Variants in ANKRD6 observed in about 807,000 individuals in gnomAD.
ANKRD6 encodes ankyrin repeat domain 6.
ANKRD6 carries 56 observed loss-of-function variants against 82.3 expected under a neutral mutation model. That is an observed-to-expected ratio of 0.68 (90% CI 0.55 to 0.85). ANKRD6 has a LOEUF of 0.85. ANKRD6 is among the 40% of genes least tolerant of loss of function. The pLI, the probability that ANKRD6 is intolerant of heterozygous loss-of-function variation, is 0.00. For synonymous variants in ANKRD6, 347 were observed against 352.1 expected, an observed-to-expected ratio of 0.99 and a Z score of 0.16; for missense variants, 852 against 907.6, an observed-to-expected ratio of 0.94 and a Z score of 0.79.
At chr6:89,567,152 C>A (rs1363916657) in intron 2 of ANKRD6, 56 bp downstream of exon 2, 1 of 1,541,080 alleles carries the variant, frequency 6.5e-7, no homozygotes, top group South Asian at 1.2e-5. Flanking sequence ...TACCTCTTAA[C>A]CATTGTCTGA....
intron 2 of ANKRD6, among the ~76,000 whole-genome samples, chr6:89,580,760 T>A (rs1457756408): frequency 6.6e-6 from 1 of 152,210 alleles, no homozygotes; most frequent in Non-Finnish European, 1.5e-5. Flanking sequence ...GGTTTGTGTT[T>A]AATGTTAGGA....
chr6:89,606,135 A>G, intron 5 of ANKRD6, 30 bp downstream of exon 5: 1 of 1,508,216 alleles, frequency 6.6e-7, no homozygotes, highest in South Asian at 1.2e-5. Context: ...AGAATGCCTC[A>G]TTCACAGGTG....
chr6:89,605,550 T>C (rs1186555164), intron 4 of ANKRD6, among the ~76,000 whole-genome samples: 3 of 152,216 alleles, frequency 2.0e-5, no homozygotes, highest in South Asian at 2.1e-4. Flanking sequence ...CTGAATCTTA[T>C]GAAGATGGCC....
chr6:89,607,805 G>T (rs573675544), intron 5 of ANKRD6, among the ~76,000 whole-genome samples: 2 of 151,762 alleles, frequency 1.3e-5, no homozygotes, highest in East Asian at 3.9e-4. Context: ...GTGCCCCCAC[G>T]CCCGGCTAAT....
chr6:89,456,829 T>C (rs1773563941), intron 1 of ANKRD6, among the ~76,000 whole-genome samples: 1 of 152,198 alleles, frequency 6.6e-6, no homozygotes, highest in Non-Finnish European at 1.5e-5. Flanking sequence ...AAAATTATGC[T>C]CCAGTTACTA....
Position 89,624,032 on chromosome 6 carries a change from G to C in ANKRD6, c.1193G>C (p.Arg398Pro). Residue 398 changes from arginine to proline, a missense_variant, in exon 12 of 16, where the codon CGG becomes CCG. By Grantham distance (103) the Arg-to-Pro change is moderately radical. Transcript: ENST00000339746. ...FRAYQLYTLY[R>P]GKDGKVMQAP... ...GCGTATCAGCTCTACACATTGTACC[G>C]GGGCAAGGATGGGAAAGTGATGCAG... is the stretch of plus-strand genomic sequence containing the variant. 2 of 1,573,230 alleles carry C rather than the reference G, an allele frequency of 1.3e-6. No individual in the cohort carries two copies. The highest frequency in any genetic ancestry group is 1.7e-6 in the Non-Finnish European group (2 of 1,157,956).
intron 1 of ANKRD6, among the ~76,000 whole-genome samples, chr6:89,439,086 A>G (rs922737790): frequency 7.2e-5 from 11 of 152,360 alleles, no homozygotes; most frequent in Non-Finnish European, 1.3e-4. Context: ...CAAATGTATC[A>G]TAATTGCCAT....
intron 14 of ANKRD6, 107 bp downstream of exon 14, chr6:89,627,803 CT>C: frequency 2.4e-6 from 2 of 836,098 alleles, no homozygotes; most frequent in Non-Finnish European, 3.8e-6. Context: ...TCCCTAAGAG[CT>C]TTTACATTAT....
At chr6:89,570,843 G>A (rs992694072) in intron 2 of ANKRD6, among the ~76,000 whole-genome samples, 11 of 152,158 alleles carry the variant, frequency 7.2e-5, no homozygotes, top group African/African-American at 2.7e-4. Flanking sequence ...GAATATTGCT[G>A]TATGAACATG....
At chr6:89,492,660 A>G (rs1778147306) in intron 1 of ANKRD6, among the ~76,000 whole-genome samples, 2 of 152,234 alleles carry the variant, frequency 1.3e-5, no homozygotes, top group South Asian at 4.1e-4. Context: ...CAATTAATGT[A>G]TACTCATTCC....
chr6:89,622,856 A>G (rs1228110641), intron 10 of ANKRD6, among the ~76,000 whole-genome samples: 2 of 151,992 alleles, frequency 1.3e-5, no homozygotes, highest in African/African-American at 2.4e-5. Context: ...CCTCTCATCA[A>G]TTTCCAGGGT....
At chr6:89,629,768 G>T (rs1488380842) in intron 15 of ANKRD6, among the ~76,000 whole-genome samples, 2 of 152,212 alleles carry the variant, frequency 1.3e-5, no homozygotes, top group Non-Finnish European at 2.9e-5. Flanking sequence ...TGACAATTTT[G>T]AGGACATTCA....
intron 1 of ANKRD6, among the ~76,000 whole-genome samples, chr6:89,500,428 G>A (rs1388270548): frequency 6.6e-6 from 1 of 152,142 alleles, no homozygotes; most frequent in Admixed American, 6.5e-5. Context: ...AATATACCAT[G>A]GTTAGAAAAA....
rs530068070 is a variant in ANKRD6 at position 89,447,854 on chromosome 6, A to ATTTT, written c.-144+14487_-144+14490dup. 4.2e-5 allele frequency among the ~76,000 whole-genome samples: 5 copies of ATTTT among 119,012 alleles called. 1 individual carries two copies. In the East Asian group the frequency reaches 7.5e-4, roughly 18 times the overall value. 78.1% of individuals were successfully genotyped at this position (119,012 alleles called of 152,430 possible). On this transcript the variant is annotated intron_variant, in intron 1 of 15. Transcript: ENST00000339746. ...AGGCATGTGCCACCACGCCCAGCTA[A>ATTTT]TTTTTTTTTTTCAGTAGAGATGGGG...
chr6:89,593,864 C>T (rs923250152), intron 2 of ANKRD6, among the ~76,000 whole-genome samples: 2 of 152,186 alleles, frequency 1.3e-5, no homozygotes, highest in African/African-American at 4.8e-5. Flanking sequence ...TGATTCACAT[C>T]AAAAAGTGTT....
intron 1 of ANKRD6, among the ~76,000 whole-genome samples, chr6:89,520,087 G>A (rs961110661): frequency 3.3e-5 from 5 of 152,096 alleles, no homozygotes; most frequent in African/African-American, 1.2e-4. Context: ...CTCCAGGCTC[G>A]ATCCTCCTAC....
At chr6:89,545,691 T>C (rs1007781778) in intron 1 of ANKRD6, among the ~76,000 whole-genome samples, 1 of 152,172 alleles carries the variant, frequency 6.6e-6, no homozygotes, top group African/African-American at 2.4e-5. Context: ...GAAAACAACA[T>C]TGAACTTGAA....
chr6:89,627,896 C>A (rs1284676520), intron 14 of ANKRD6, among the ~76,000 whole-genome samples, 200 bp downstream of exon 14: 1 of 152,214 alleles, frequency 6.6e-6, no homozygotes, highest in Non-Finnish European at 1.5e-5. Context: ...GCTGAATATG[C>A]TGGCAACAGA....
chr6:89,602,938 A>AG, intron 3 of ANKRD6, 91 bp from the exon 4 acceptor site: 1 of 1,049,190 alleles, frequency 9.5e-7, no homozygotes, highest in Non-Finnish European at 1.4e-6. Flanking sequence ...TGGGGACGGG[A>AG]GGGGTCCTTG....
Sources: allele counts gnomAD v4.1 joint callset (sites outside exome capture counted in the v4.1 genomes callset), GRCh38; gene constraint gnomAD v4.1.1; transcripts MANE v1.5; gene names NCBI Gene and HGNC (gene_info 2026-07-23, HGNC 2026-07-21).